ACOXL: variants seen among roughly 807,000 people sequenced by gnomAD.
The protein encoded by ACOXL is acyl-CoA oxidase like, also known as acyl-coenzyme A oxidase-like protein.
In ACOXL, 70 loss-of-function variants were observed where a neutral mutation model predicts 71.9. That is an observed-to-expected ratio of 0.97 (90% CI 0.80 to 1.19). The LOEUF (loss-of-function observed/expected upper bound fraction) is 1.19. ACOXL is among the 50% of genes most tolerant of loss of function. The pLI is 0.00. For missense variants in ACOXL, 703 were observed against 736.3 expected (o/e 0.95, Z 0.52); for synonymous variants, 253 against 281.6 (o/e 0.90, Z 1.02).
chr2:110,886,727 C>T, intron 10 of ACOXL: 2 of 1,549,396 alleles, frequency 1.3e-6, no homozygotes, highest in Non-Finnish European at 1.7e-6. Context: ...CTGGAGTTAG[C>T]CTTGCGGAAG....
intron 14 of ACOXL, among the ~76,000 whole-genome samples, chr2:111,023,208 C>G (rs1161870564): frequency 6.6e-6 from 1 of 152,132 alleles, no homozygotes; most frequent in African/African-American, 2.4e-5. Flanking sequence ...GATGCCACCT[C>G]TGTGCACAGG....
At chr2:111,049,404 C>A in intron 16 of ACOXL, 116 bp downstream of exon 16, 1 of 804,574 alleles carries the variant, frequency 1.2e-6, no homozygotes, top group Non-Finnish European at 2.0e-6. Flanking sequence ...TCGTGTGCTC[C>A]AGGGGGATAA....
chr2:110,811,730 T>TACACACACACACACACACACACAC lies in ACOXL; in HGVS notation c.753+6368_753+6391dup, dbSNP rs780039810. Among the ~76,000 whole-genome samples, 48 of 101,660 alleles carry TACACACACACACACACACACACAC rather than the reference T, an allele frequency of 4.7e-4. 2 individuals carry two copies. Among genetic ancestry groups the TACACACACACACACACACACACAC allele is most frequent in the Non-Finnish European group, 6.4e-4 (33 of 51,824 alleles). The allele number at this position is 101,660 out of a possible 152,430, so 66.7% of individuals were successfully genotyped here. ...CGTTATCCTTTTTGTTTTTTTTGCA[T>TACACACACACACACACACACACAC]ACACACACACACACACACACACACA... On this transcript the variant is annotated intron_variant, in intron 9 of 17. Coordinates refer to ENST00000439055, the MANE Select transcript of ACOXL (RefSeq NM_001142807.4).
intron 2 of ACOXL, among the ~76,000 whole-genome samples, chr2:110,772,289 A>G (rs1336590062): frequency 6.6e-6 from 1 of 152,152 alleles, no homozygotes; most frequent in African/African-American, 2.4e-5. Context: ...CAGCCAGACA[A>G]CTTTCAAAAC....
intron 9 of ACOXL, among the ~76,000 whole-genome samples, chr2:110,821,279 C>T (rs1688565395): frequency 6.6e-6 from 1 of 151,630 alleles, no homozygotes; most frequent in Non-Finnish European, 1.5e-5. Flanking sequence ...CTTTCTCTCT[C>T]TCTCTCTTTT....
At chr2:110,942,669 T>G (rs1278254656) in intron 12 of ACOXL, among the ~76,000 whole-genome samples, 4 of 151,518 alleles carry the variant, frequency 2.6e-5, no homozygotes, top group African/African-American at 7.3e-5. Context: ...GTGGATCACT[T>G]GAGGTCAGGA....
At chr2:110,939,465 C>A (rs1396600961) in intron 12 of ACOXL, among the ~76,000 whole-genome samples, 1 of 152,202 alleles carries the variant, frequency 6.6e-6, no homozygotes, top group Non-Finnish European at 1.5e-5. Flanking sequence ...ATTACTTCAA[C>A]TCTTTACTAC....
intron 14 of ACOXL, among the ~76,000 whole-genome samples, chr2:111,009,916 T>C (rs1442165363): frequency 6.6e-6 from 1 of 152,182 alleles, no homozygotes; most frequent in Non-Finnish European, 1.5e-5. Context: ...AAATATATTC[T>C]TCCTGACAAA....
chr2:110,912,674 T>A (rs2059687982), intron 11 of ACOXL, among the ~76,000 whole-genome samples: 1 of 152,104 alleles, frequency 6.6e-6, no homozygotes, highest in Non-Finnish European at 1.5e-5. Context: ...GGAGCAAATC[T>A]TTGCAACTGT....
At chr2:111,043,736 T>A (rs1345863445) in intron 15 of ACOXL, among the ~76,000 whole-genome samples, 1 of 152,180 alleles carries the variant, frequency 6.6e-6, no homozygotes, top group Non-Finnish European at 1.5e-5. Context: ...TAGAGAAGGC[T>A]GCCTGGTTCC....
intron 16 of ACOXL, among the ~76,000 whole-genome samples, chr2:111,053,176 G>T (rs80350499): frequency 6.6e-6 from 1 of 152,070 alleles, no homozygotes; most frequent in Non-Finnish European, 1.5e-5. Flanking sequence ...GAAAATTATC[G>T]ACAAGGCTGC....
At chr2:110,769,102 T>C (rs1383872047) in intron 2 of ACOXL, among the ~76,000 whole-genome samples, 1 of 152,042 alleles carries the variant, frequency 6.6e-6, no homozygotes, top group Non-Finnish European at 1.5e-5. Context: ...AGCTGGGAAA[T>C]AGAAATAACT....
chr2:110,794,218 C>G, intron 5 of ACOXL, 44 bp downstream of exon 5: 2 of 1,571,026 alleles, frequency 1.3e-6, no homozygotes, highest in Non-Finnish European at 1.8e-6. Flanking sequence ...GAGCTGGAAA[C>G]CTGGACAGAA....
At chr2:110,770,442 C>T (rs1175889343) in intron 2 of ACOXL, among the ~76,000 whole-genome samples, 2 of 152,216 alleles carry the variant, frequency 1.3e-5, no homozygotes, top group African/African-American at 2.4e-5. Flanking sequence ...ACCTGCGCTG[C>T]GATACTGCAG....
chr2:110,820,667 T>C (rs189301325), intron 9 of ACOXL, among the ~76,000 whole-genome samples: 56 of 152,320 alleles, frequency 3.7e-4, no homozygotes, highest in Admixed American at 9.8e-4. Context: ...GAGACTGTTA[T>C]ACCTCTGGTC....
chr2:111,059,559 T>C (rs1192743240), intron 16 of ACOXL, among the ~76,000 whole-genome samples: 1 of 152,192 alleles, frequency 6.6e-6, no homozygotes, highest in African/African-American at 2.4e-5. Context: ...CTATTCCTTC[T>C]GCTAAGTCCA....
intron 11 of ACOXL, among the ~76,000 whole-genome samples, chr2:110,915,350 A>ATATATATATGTG (rs1491355100): frequency 6.2e-5 from 7 of 113,634 alleles, no homozygotes; most frequent in Middle Eastern, 4.5e-3. Context: ...ATATATATAT[A>ATATATATATGTG]TGTGTGTGTG....
intron 11 of ACOXL, among the ~76,000 whole-genome samples, chr2:110,910,333 A>T (rs1302056584): frequency 2.6e-5 from 4 of 152,258 alleles, no homozygotes; most frequent in Non-Finnish European, 5.9e-5. Flanking sequence ...GCTGAATAGT[A>T]ACATGAAATG....
intron 3 of ACOXL, among the ~76,000 whole-genome samples, chr2:110,787,484 A>G (rs1407929672): frequency 6.8e-6 from 1 of 147,310 alleles, no homozygotes; most frequent in Non-Finnish European, 1.5e-5. Flanking sequence ...CAGTGGGCTG[A>G]GATGGCACCA....
Sources: gnomAD v4.1 joint callset for allele counts (sites outside exome capture counted in the v4.1 genomes callset) on GRCh38, gnomAD v4.1.1 for gene constraint, MANE v1.5 for transcripts, NCBI Gene and HGNC (gene_info 2026-07-23, HGNC 2026-07-21) for gene names.